The following MDGA2 variants were observed in gnomAD, a reference collection of about 807,000 sequenced individuals.
The protein encoded by MDGA2 is MAM domain containing glycosylphosphatidylinositol anchor 2.
In MDGA2, 40 loss-of-function variants were observed where a neutral mutation model predicts 117.8. That is an observed-to-expected ratio of 0.34 (90% CI 0.26 to 0.44). The LOEUF is 0.44. MDGA2 is among the 20% of genes least tolerant of loss of function. MDGA2 has a pLI of 1.00. For synonymous variants in MDGA2, 452 were observed against 439.0 expected (o/e 1.03, Z -0.37); for missense variants, 1,123 against 1,250.6 (o/e 0.90, Z 1.54).
At chr14:47,336,131 G>A (rs1890449807) in intron 1 of MDGA2, among the ~76,000 whole-genome samples, 1 of 151,796 alleles carries the variant, frequency 6.6e-6, no homozygotes, top group Non-Finnish European at 1.5e-5. Context: ...AAAAAGTGTA[G>A]GAGTGGAAGG....
chr14:47,589,955 T>C (rs952859682), intron 1 of MDGA2, among the ~76,000 whole-genome samples: 52 of 151,958 alleles, frequency 3.4e-4, no homozygotes, highest in African/African-American at 1.2e-3. Context: ...CTTAATACCA[T>C]TTTTGGATTG....
chr14:46,978,802 C>T (rs879451888), intron 8 of MDGA2, among the ~76,000 whole-genome samples: 6 of 152,092 alleles, frequency 3.9e-5, no homozygotes, highest in Non-Finnish European at 8.8e-5. Context: ...ATTTATATCT[C>T]CATTCACATT....
chr14:47,401,599 G>A (rs1892150908), intron 1 of MDGA2, among the ~76,000 whole-genome samples: 1 of 152,200 alleles, frequency 6.6e-6, no homozygotes, highest in Non-Finnish European at 1.5e-5. Context: ...CTGTGAGTTT[G>A]GGTGATGATC....
chr14:47,639,778 T>C (rs1401961884), intron 1 of MDGA2, among the ~76,000 whole-genome samples: 1 of 152,166 alleles, frequency 6.6e-6, no homozygotes, highest in East Asian at 1.9e-4. Context: ...TCCGTCAAAA[T>C]GTTAACACTG....
intron 7 of MDGA2, among the ~76,000 whole-genome samples, chr14:47,049,839 C>T (rs1341949592): frequency 6.6e-6 from 1 of 151,810 alleles, no homozygotes; most frequent in African/African-American, 2.4e-5. Context: ...ATTCTGATTT[C>T]TTTACCCATC....
At chr14:46,912,905 G>A (rs773181365) in intron 10 of MDGA2, among the ~76,000 whole-genome samples, 1 of 152,104 alleles carries the variant, frequency 6.6e-6, no homozygotes, top group Non-Finnish European at 1.5e-5. Context: ...CCTTCATTTG[G>A]AAGATGAAGA....
At chr14:47,055,002 CTTT>C (rs10640408) in intron 7 of MDGA2, among the ~76,000 whole-genome samples, 2 of 125,670 alleles carry the variant, frequency 1.6e-5, no homozygotes, top group South Asian at 2.5e-4. Context: ...TTTTTCTTTT[CTTT>C]TTTTTTTTTT....
intron 1 of MDGA2, among the ~76,000 whole-genome samples, chr14:47,413,059 T>C (rs1353795397): frequency 1.3e-5 from 2 of 152,198 alleles, no homozygotes; most frequent in African/African-American, 4.8e-5. Flanking sequence ...TGCTAACCCT[T>C]TTAATTCCAT....
At chr14:47,295,630 G>A (rs372963746) in intron 2 of MDGA2, among the ~76,000 whole-genome samples, 2 of 152,152 alleles carry the variant, frequency 1.3e-5, no homozygotes, top group African/African-American at 2.4e-5. Flanking sequence ...TAGGCCGGGC[G>A]CAGTGGCTCA....
Position 47,156,914 on chromosome 14 carries a change from A to G in MDGA2, c.596-12640T>C, listed in dbSNP as rs149335175. Among the ~76,000 whole-genome samples, 891 of 152,334 alleles carry G rather than the reference A, an allele frequency of 5.8e-3. 3 individuals are homozygous for G. The highest frequency in any genetic ancestry group is 0.01 in the Non-Finnish European group (709 of 68,024). On this transcript the variant is annotated intron_variant, in intron 3 of 16. Coordinates refer to ENST00000399232, the MANE Select transcript of MDGA2 (RefSeq NM_001113498.3). The stretch of plus-strand genomic sequence containing the variant: ...TAATACAACTATATATGAATGCACT[A>G]TATGAGTGATAGCTCATAACAATAG...
chr14:46,918,256 C>G (rs765949427), intron 10 of MDGA2, among the ~76,000 whole-genome samples: 23 of 150,808 alleles, frequency 1.5e-4, no homozygotes, highest in Non-Finnish European at 3.1e-4. Context: ...GTCATAGATT[C>G]TTACATTTTT....
At chr14:47,156,070 G>C in intron 3 of MDGA2, among the ~76,000 whole-genome samples, 1 of 151,384 alleles carries the variant, frequency 6.6e-6, no homozygotes. Flanking sequence ...CACTACCCCG[G>C]CTAATTTTTG....
intron 10 of MDGA2, among the ~76,000 whole-genome samples, chr14:46,915,752 C>T (rs1212980909): frequency 6.6e-6 from 1 of 152,110 alleles, no homozygotes; most frequent in Non-Finnish European, 1.5e-5. Context: ...CGGCAGGAGG[C>T]ATCATTAAGG....
At chr14:47,066,111 T>C (rs961102890) in intron 6 of MDGA2, among the ~76,000 whole-genome samples, 5 of 152,164 alleles carry the variant, frequency 3.3e-5, no homozygotes, top group Admixed American at 1.3e-4. Flanking sequence ...ACTTAAAAGA[T>C]AGTAAACGAT....
chr14:47,319,814 C>A (rs565050334), intron 1 of MDGA2, among the ~76,000 whole-genome samples: 2 of 152,048 alleles, frequency 1.3e-5, no homozygotes, highest in East Asian at 3.9e-4. Context: ...GAATGTGTTC[C>A]CCCAAAAGAG....
intron 6 of MDGA2, among the ~76,000 whole-genome samples, chr14:47,068,845 T>C (rs1317697316): frequency 2.6e-5 from 4 of 152,194 alleles, no homozygotes; most frequent in African/African-American, 7.2e-5. Flanking sequence ...ATAATGAGAC[T>C]AACTTAATCT....
chr14:47,462,390 A>AC (rs1475676902), intron 1 of MDGA2, among the ~76,000 whole-genome samples: 3 of 151,462 alleles, frequency 2.0e-5, no homozygotes, highest in Non-Finnish European at 4.4e-5. Context: ...AAAAAAAAAA[A>AC]AAGAAAGAAA....
intron 10 of MDGA2, among the ~76,000 whole-genome samples, chr14:46,900,944 G>T (rs950859235): frequency 6.6e-6 from 1 of 151,900 alleles, no homozygotes; most frequent in Non-Finnish European, 1.5e-5. Flanking sequence ...ATGGGAGAAG[G>T]TTTCATGGAA....
At chr14:46,914,965 T>G (rs1883845235) in intron 10 of MDGA2, among the ~76,000 whole-genome samples, 1 of 152,308 alleles carries the variant, frequency 6.6e-6, no homozygotes, top group Non-Finnish European at 1.5e-5. Flanking sequence ...GGCCTTCTAG[T>G]AAAATATGTG....
Sources: allele counts gnomAD v4.1 joint callset (sites outside exome capture counted in the v4.1 genomes callset), GRCh38; gene constraint gnomAD v4.1.1; transcripts MANE v1.5; gene names NCBI Gene and HGNC (gene_info 2026-07-23, HGNC 2026-07-21).